LINGO2: variants seen among roughly 807,000 people sequenced by gnomAD.
LINGO2 encodes the protein leucine rich repeat and Ig domain containing 2, also known as leucine-rich repeat and immunoglobulin-like domain-containing nogo receptor-interacting protein 2.
In LINGO2, 14 loss-of-function variants were observed where a neutral mutation model predicts 30.6. The ratio of observed to expected loss-of-function variants is 0.46; its 90% CI spans 0.30 to 0.72. The LOEUF is 0.72. LINGO2 is among the 30% of genes least tolerant of loss of function. The pLI, the probability that LINGO2 is intolerant of heterozygous loss-of-function variation, is 0.07. For synonymous variants in LINGO2, 317 were observed against 288.5 expected (o/e 1.10, Z -1.00); for missense variants, 729 against 751.7 (o/e 0.97, Z 0.35).
intron 2 of LINGO2, among the ~76,000 whole-genome samples, chr9:28,386,065 G>A (rs1444715566): frequency 6.6e-6 from 1 of 152,096 alleles, no homozygotes. Flanking sequence ...TTTAATATTG[G>A]AAGCCTTGCA....
chr9:28,123,343 A>T (rs1340849034), intron 4 of LINGO2, among the ~76,000 whole-genome samples: 2 of 152,194 alleles, frequency 1.3e-5, no homozygotes, highest in Non-Finnish European at 2.9e-5. Context: ...GGCTATGTGA[A>T]AGGTAGGAGC....
intron 4 of LINGO2, among the ~76,000 whole-genome samples, chr9:28,156,297 T>C (rs1321992709): frequency 6.6e-6 from 1 of 152,214 alleles, no homozygotes; most frequent in South Asian, 2.1e-4. Context: ...AACAGAAATG[T>C]GACATAATTC....
chr9:28,823,358 T>TA, the LINGO2 span, among the ~76,000 whole-genome samples: 4 of 152,208 alleles, frequency 2.6e-5, no homozygotes, highest in Non-Finnish European at 5.9e-5. Flanking sequence ...GTCAATATAT[T>TA]AAAAGGTTTT....
chr9:28,621,012 C>A (rs1826365458), intron 1 of LINGO2, among the ~76,000 whole-genome samples: 1 of 151,918 alleles, frequency 6.6e-6, no homozygotes, highest in African/African-American at 2.4e-5. Context: ...AGGTAAAGTG[C>A]AAGAAATGTC....
chr9:28,131,790 A>C (rs937867246), intron 4 of LINGO2, among the ~76,000 whole-genome samples: 7 of 152,178 alleles, frequency 4.6e-5, no homozygotes, highest in African/African-American at 1.7e-4. Flanking sequence ...AAGGTAACAA[A>C]ATTTATCAAT....
intron 2 of LINGO2, among the ~76,000 whole-genome samples, chr9:28,419,774 T>C (rs1253232998): frequency 6.6e-6 from 1 of 151,510 alleles, no homozygotes; most frequent in Non-Finnish European, 1.5e-5. Flanking sequence ...TTGCCAATAA[T>C]AGAAATACTA....
intron 1 of LINGO2, among the ~76,000 whole-genome samples, chr9:28,526,055 C>CAAAAAAA (rs58629857): frequency 0.045 from 2,167 of 48,410 alleles, 523 homozygotes; most frequent in African/African-American, 0.17. Context: ...GACTCCGTCT[C>CAAAAAAA]AAAAAAAAAA....
intron 4 of LINGO2, among the ~76,000 whole-genome samples, chr9:28,057,583 A>C (rs1345344396): frequency 4.5e-5 from 1 of 22,090 alleles, no homozygotes; most frequent in Admixed American, 7.0e-4. Context: ...ATACACATAT[A>C]TGTATATACA....
chr9:28,744,895 A>T, the LINGO2 span, among the ~76,000 whole-genome samples: 25 of 152,010 alleles, frequency 1.6e-4, no homozygotes, highest in Middle Eastern at 6.8e-3. Context: ...AAGGCCTCCC[A>T]AAGTACTGGG....
At chr9:28,314,048 C>A (rs1824737587) in intron 3 of LINGO2, among the ~76,000 whole-genome samples, 1 of 152,154 alleles carries the variant, frequency 6.6e-6, no homozygotes, top group Non-Finnish European at 1.5e-5. Context: ...CATTCTCCTG[C>A]CTCAGCCTCC....
chr9:28,037,798 T>C (rs1824009113), intron 4 of LINGO2, among the ~76,000 whole-genome samples: 1 of 152,218 alleles, frequency 6.6e-6, no homozygotes. Flanking sequence ...CAAATTTTCA[T>C]GCAGTATCTG....
At chr9:28,149,426 T>C (rs1472146871) in intron 4 of LINGO2, among the ~76,000 whole-genome samples, 1 of 146,590 alleles carries the variant, frequency 6.8e-6, no homozygotes, top group Non-Finnish European at 1.5e-5. Context: ...TCTGCCCAGC[T>C]GCCCCACCAT....
downstream of LINGO2, among the ~76,000 whole-genome samples, chr9:27,947,380 G>C (rs74574254): frequency 6.6e-6 from 1 of 152,006 alleles, no homozygotes; most frequent in Non-Finnish European, 1.5e-5. Context: ...TTGGGTCAGA[G>C]AGAGGAAAAA....
In LINGO2 at chr9:28,530,745, T is replaced by C. The variant is rs188914491; in HGVS notation, c.-364-54720A>G. On this transcript the variant is annotated intron_variant, in intron 1 of 5. Transcript: ENST00000379992. ...GTCAGTAATATTAAAATGTTCACTATTGATTTCCCTCTGCCATCTTCTAAT... is the reference window on the plus strand; with the variant it reads ...GTCAGTAATATTAAAATGTTCACTACTGATTTCCCTCTGCCATCTTCTAAT... 6.6e-5 allele frequency among the ~76,000 whole-genome samples: 10 copies of C among 152,254 alleles called. No homozygotes were observed. The East Asian group carries it at 1.2e-3, about 18-fold the overall frequency.
chr9:28,529,679 G>A (rs1821158145), intron 1 of LINGO2, among the ~76,000 whole-genome samples: 1 of 142,656 alleles, frequency 7.0e-6, no homozygotes. Context: ...TAAACACAAT[G>A]TCTGCCTTTA....
the LINGO2 span, among the ~76,000 whole-genome samples, chr9:28,964,805 T>C: frequency 6.6e-6 from 1 of 151,888 alleles, no homozygotes; most frequent in Non-Finnish European, 1.5e-5. Flanking sequence ...GAGAACAAGA[T>C]AAAAAGTTTA....
At chr9:28,347,728 C>A (rs1265942713) in intron 3 of LINGO2, among the ~76,000 whole-genome samples, 1 of 152,078 alleles carries the variant, frequency 6.6e-6, no homozygotes, top group Non-Finnish European at 1.5e-5. Flanking sequence ...AGGGTATTAC[C>A]CAGGCGTCAT....
the LINGO2 span, among the ~76,000 whole-genome samples, chr9:28,765,220 TG>T: frequency 1.3e-5 from 2 of 151,720 alleles, no homozygotes; most frequent in African/African-American, 4.9e-5. Context: ...AAATAAAAAG[TG>T]GGGGCATCCC....
the LINGO2 span, among the ~76,000 whole-genome samples, chr9:28,863,364 T>C: frequency 6.6e-6 from 1 of 152,062 alleles, no homozygotes; most frequent in East Asian, 1.9e-4. Flanking sequence ...ATATTACAAA[T>C]TACTTTTCAA....
Sources: gnomAD v4.1 joint callset for allele counts (sites outside exome capture counted in the v4.1 genomes callset) on GRCh38, gnomAD v4.1.1 for gene constraint, MANE v1.5 for transcripts, NCBI Gene and HGNC (gene_info 2026-07-23, HGNC 2026-07-21) for gene names.